Variants in HERC2 observed in about 807,000 individuals in gnomAD.
HERC2 encodes E3 ubiquitin-protein ligase HERC2.
A neutral mutation model predicts 537.7 loss-of-function variants in HERC2; 102 were observed. The ratio of observed to expected loss-of-function variants is 0.19; its 90% CI spans 0.16 to 0.22. The LOEUF (loss-of-function observed/expected upper bound fraction) is 0.22, where lower values mean the gene tolerates loss of function less well. Among genes scored for constraint, HERC2 ranks in the 10% least tolerant of loss-of-function variants. The pLI, the probability that HERC2 is intolerant of heterozygous loss-of-function variation, is 1.00. For synonymous variants in HERC2, 2,224 were observed against 2,466.2 expected, an observed-to-expected ratio of 0.90 and a Z score of 2.91; for missense variants, 4,236 against 6,198.2, an observed-to-expected ratio of 0.68 and a Z score of 10.63.
chr15:28,126,799 C>T (rs1246154617), intron 83 of HERC2, among the ~76,000 whole-genome samples: 1 of 152,194 alleles, frequency 6.6e-6, no homozygotes, highest in African/African-American at 2.4e-5. Context: ...ACCTCTCAGA[C>T]ATCACCTCTA....
Position 28,176,916 on chromosome 15 carries a change from G to A in HERC2, c.9432+34C>T. On this transcript the variant is annotated intron_variant, in intron 61 of 92. Coordinates refer to ENST00000261609, the MANE Select transcript of HERC2 (RefSeq NM_004667.6). This position sits in a 1 kb window ranked among gnomAD's most constrained non-coding sequence, Gnocchi z 5.0. ...TTCTCTTGACATCTTCAGATGGTAA[G>A]CTTTCTGCAAGCAACAAAAATGCGT... is the stretch of plus-strand genomic sequence containing the variant. The A allele has an allele frequency of 6.3e-7, 1 of 1,598,740 alleles. No homozygotes were observed.
intron 79 of HERC2, 142 bp downstream of exon 79, chr15:28,135,336 C>A: frequency 1.4e-6 from 1 of 690,980 alleles, no homozygotes. Flanking sequence ...ACTATTTCTG[C>A]CAAATGAGTC....
rs2075637758 is a variant in HERC2, at chr15:28,268,712, G to A, written c.1447-96C>T. On this transcript the variant is annotated intron_variant, in intron 11 of 92. Transcript: ENST00000261609. The surrounding 1 kb of genome is among the most constrained non-coding windows in gnomAD (Gnocchi z 4.7). ...TATCATGTATCCCCAAGCAAAGCCT[G>A]CTGTAACTCCAAGTGGGGCATAAGT... is the stretch of plus-strand genomic sequence containing the variant. The A allele has an allele frequency of 2.9e-6, 3 of 1,028,262 alleles. No homozygotes were observed. The highest frequency in any genetic ancestry group is 2.2e-5 in the Admixed American group (1 of 44,968). 63.7% of individuals were successfully genotyped at this position (1,028,262 alleles called of 1,614,324 possible).
chr15:28,280,742 T>TAA (rs145826647), intron 4 of HERC2, among the ~76,000 whole-genome samples: 1 of 147,972 alleles, frequency 6.8e-6, no homozygotes, highest in African/African-American at 2.5e-5. Flanking sequence ...CCTTCTCTAC[T>TAA]AAAAAAAAAA....
At chr15:28,117,414 C>A in intron 86 of HERC2, 1 of 692,874 alleles carries the variant, frequency 1.4e-6, no homozygotes, top group Non-Finnish European at 2.6e-6. Context: ...TGTGTCTGAA[C>A]AAACACACCT....
intron 29 of HERC2, 34 bp from the exon 30 acceptor site, chr15:28,233,375 A>G: frequency 7.8e-7 from 1 of 1,284,020 alleles, no homozygotes; most frequent in Non-Finnish European, 1.1e-6. Flanking sequence ...CAACTTTAAC[A>G]ACAAATATTT....
chr15:28,267,657 G>A (rs1409951666), intron 12 of HERC2, among the ~76,000 whole-genome samples: 1 of 152,230 alleles, frequency 6.6e-6, no homozygotes, highest in Non-Finnish European at 1.5e-5. Flanking sequence ...CACACGATAC[G>A]CATTACTCTG....
Position 28,274,383 on chromosome 15 carries a change from G to T in HERC2, c.708C>A (p.Pro236=). Residue 236 remains proline (P), a synonymous_variant, in exon 7 of 93, where the codon CCC becomes CCA. Coordinates refer to ENST00000261609, the MANE Select transcript of HERC2 (RefSeq NM_004667.6). ...QESLDALRAL[P]EASLFDESTV... ...TGCTCTCGTCAAAGAGCGAGGCCTC[G>T]GGAAGTGCTCGCAGGGCGTCCAGGG... is the stretch of plus-strand genomic sequence containing the variant. 1.2e-6 allele frequency: 2 copies of T among 1,614,060 alleles called. No individual in the cohort carries two copies. Among genetic ancestry groups the T allele is most frequent in the East Asian group, 2.2e-5 (1 of 44,856 alleles).
At chr15:28,141,709 T>G in intron 77 of HERC2, 22 bp downstream of exon 77, 1 of 1,611,578 alleles carries the variant, frequency 6.2e-7, no homozygotes, top group Non-Finnish European at 8.5e-7. Flanking sequence ...TCGACATTAC[T>G]GCTTGTTTCT....
At chr15:28,240,267 A>C (rs1902948302) in intron 23 of HERC2, among the ~76,000 whole-genome samples, 1 of 152,088 alleles carries the variant, frequency 6.6e-6, no homozygotes, top group Admixed American at 6.6e-5. Context: ...AAATACAAAA[A>C]ATTAGCCGGG....
At position 28,268,476 on chromosome 15, in the gene HERC2, A is replaced by G. The variant is rs2075631222; in HGVS notation, c.1587T>C (p.His529=). The G allele has an allele frequency of 6.2e-7, 1 of 1,613,864 alleles. No homozygotes were observed. The highest frequency in any genetic ancestry group is 8.5e-7 in the Non-Finnish European group (1 of 1,179,850). ...WGCGDGGRLG[H]GDTVPLEEPK... ...TAAGCGATACATACACAGTGTCCCC[A>G]TGGCCCAGCCGTCCGCCGTCCCCAC... Residue 529 remains histidine, a synonymous_variant, in exon 12 of 93, where the codon CAT becomes CAC. Transcript: ENST00000261609. The surrounding 1 kb of genome is among the most constrained non-coding windows in gnomAD (Gnocchi z 4.7).
chr15:28,287,391 G>A (rs1477323608), intron 4 of HERC2, among the ~76,000 whole-genome samples: 3 of 152,156 alleles, frequency 2.0e-5, no homozygotes, highest in East Asian at 1.9e-4. Context: ...GTACCTGTGA[G>A]CAAGCAGAGC....
At chr15:28,144,967 G>C (rs1891590186) in intron 71 of HERC2, among the ~76,000 whole-genome samples, 163 bp from the exon 72 acceptor site, 1 of 152,232 alleles carries the variant, frequency 6.6e-6, no homozygotes, top group Non-Finnish European at 1.5e-5. Flanking sequence ...ACACTCTTGG[G>C]ATTCACATTT....
At chr15:28,313,685 T>C (rs4457969) in intron 2 of HERC2, among the ~76,000 whole-genome samples, 3 of 152,002 alleles carry the variant, frequency 2.0e-5, no homozygotes, top group Non-Finnish European at 2.9e-5. Context: ...ATACTAAACA[T>C]CTATTGAACG....
rs1195514704 is a variant in HERC2 at position 28,269,187 on chromosome 15, T to G, written c.1446+61A>C. 9 of 1,360,560 alleles carry G rather than the reference T, an allele frequency of 6.6e-6. No individual in the cohort carries two copies. The African/African-American group carries it at 1.2e-4, about 17-fold the overall frequency. The allele number at this position is 1,360,560 out of a possible 1,614,324, so 84.3% of individuals were successfully genotyped here. A position where few individuals can be genotyped will look rare whatever the true frequency, so the allele number is the denominator to read the frequency against. On this transcript the variant is annotated intron_variant, in intron 11 of 92. Transcript: ENST00000261609. Reference sequence around the variant, plus strand: ...TTAAAGAAACACCAGAGCTTGTGCATCTGTAGGACAGACCCTGCCCCGCAA... The same window carrying G: ...TTAAAGAAACACCAGAGCTTGTGCAGCTGTAGGACAGACCCTGCCCCGCAA...
chr15:28,311,993 A>T (rs1411495295), intron 2 of HERC2, among the ~76,000 whole-genome samples: 1 of 152,230 alleles, frequency 6.6e-6, no homozygotes, highest in South Asian at 2.1e-4. Flanking sequence ...TAGCACTGGG[A>T]AGGAAGAGGA....
In HERC2 at chr15:28,113,336, C is replaced by T. The variant is rs536386289; in HGVS notation, c.14020-53G>A. 1.8e-4 allele frequency: 286 copies of T among 1,554,786 alleles called. 1 individual carries two copies. The South Asian group carries it at 3.0e-3, about 16-fold the overall frequency. ...GTGATGCTTCCCACCCTGGCATTTC[C>T]GCAAGACTCCGTCACGCTCCCTCTC... On this transcript the variant is annotated intron_variant, in intron 91 of 92. Transcript: ENST00000261609. This position sits in a 1 kb window ranked among gnomAD's most constrained non-coding sequence, Gnocchi z 7.0.
intron 2 of HERC2, among the ~76,000 whole-genome samples, chr15:28,318,700 C>A (rs1044796368): frequency 6.6e-6 from 1 of 152,096 alleles, no homozygotes; most frequent in African/African-American, 2.4e-5. Flanking sequence ...AAAATGAGCC[C>A]TGCATTAGAG....
chr15:28,112,139 A>T (rs1264365302), intron 92 of HERC2, 104 bp from the exon 93 acceptor site: 7 of 1,102,374 alleles, frequency 6.3e-6, no homozygotes, highest in Non-Finnish European at 7.9e-6. Flanking sequence ...TTTTTTGCTA[A>T]GAACAAAACA....
Sources: allele counts gnomAD v4.1 joint callset (sites outside exome capture counted in the v4.1 genomes callset), GRCh38; gene constraint gnomAD v4.1.1; non-coding constraint Gnocchi (gnomAD v3.1); transcripts MANE v1.5; gene names NCBI Gene and HGNC (gene_info 2026-07-23, HGNC 2026-07-21).